ARMC2: variants seen among roughly 807,000 people sequenced by gnomAD.
ARMC2 encodes armadillo repeat-containing protein 2.
ARMC2 carries 67 observed loss-of-function variants against 90.3 expected under a neutral mutation model. The observed-to-expected ratio is 0.74, with a 90% CI of 0.61 to 0.91. The LOEUF is 0.91. Among genes scored for constraint, ARMC2 ranks in the 40% least tolerant of loss-of-function variants. The probability of loss-of-function intolerance (pLI) is 0.00; values close to 1 mark genes in which losing one functional copy is unlikely to be tolerated. For synonymous variants in ARMC2, 393 were observed against 393.0 expected, an observed-to-expected ratio of 1.00 and a Z score of 0.00; for missense variants, 920 against 1,030.9, an observed-to-expected ratio of 0.89 and a Z score of 1.47.
At chr6:108,977,469 T>G (rs1429245798), downstream of ARMC2, among the ~76,000 whole-genome samples, 1 of 152,180 alleles carries the variant, frequency 6.6e-6, no homozygotes, top group African/African-American at 2.4e-5. Flanking sequence ...CTTTTTTTGT[T>G]GTATCTCTGC....
chr6:108,879,775 C>G (rs1187392614), intron 5 of ARMC2, among the ~76,000 whole-genome samples: 1 of 152,128 alleles, frequency 6.6e-6, no homozygotes, highest in African/African-American at 2.4e-5. Context: ...AGGGACTGTT[C>G]CTGAGGAGCC....
At chr6:108,937,140 A>G in intron 12 of ARMC2, 141 bp downstream of exon 12, 1 of 667,932 alleles carries the variant, frequency 1.5e-6, no homozygotes, top group Admixed American at 3.0e-5. Flanking sequence ...CTGTCCTGGG[A>G]AGCAGTAAGT....
At chr6:108,907,751 C>A in intron 8 of ARMC2, 1 of 1,610,854 alleles carries the variant, frequency 6.2e-7, no homozygotes, top group Non-Finnish European at 8.5e-7. Context: ...CCAGTAGTAA[C>A]CTCTTTGAAA....
chr6:108,980,943 G>C, the ARMC2 span, among the ~76,000 whole-genome samples: 22 of 152,240 alleles, frequency 1.4e-4, no homozygotes, highest in African/African-American at 5.3e-4. Context: ...TAGACTTTCT[G>C]AGAATGGTTC....
chr6:109,052,411 CCACT>C, the ARMC2 span, among the ~76,000 whole-genome samples: 8 of 152,182 alleles, frequency 5.3e-5, no homozygotes, highest in East Asian at 1.9e-4. Context: ...CATAATCCTA[CCACT>C]CAAAGAAAGC....
At chr6:108,888,777 T>C (rs539077707) in intron 5 of ARMC2, among the ~76,000 whole-genome samples, 1 of 152,348 alleles carries the variant, frequency 6.6e-6, no homozygotes, top group African/African-American at 2.4e-5. Flanking sequence ...TGAAATCCTG[T>C]CAACCCTTGA....
intron 11 of ARMC2, among the ~76,000 whole-genome samples, chr6:108,931,265 A>G (rs1775543546): frequency 6.6e-6 from 1 of 151,830 alleles, no homozygotes; most frequent in Non-Finnish European, 1.5e-5. Context: ...ATTCTTTTTT[A>G]TAGCTGCATA....
At chr6:109,033,674 A>G in the ARMC2 span, among the ~76,000 whole-genome samples, 1 of 152,196 alleles carries the variant, frequency 6.6e-6, no homozygotes. Flanking sequence ...GGGAGGGGCC[A>G]TAATTCATAG....
the ARMC2 span, among the ~76,000 whole-genome samples, chr6:109,020,151 G>C: frequency 7.1e-4 from 108 of 152,208 alleles, 1 homozygote; most frequent in Admixed American, 4.1e-3. Context: ...GGACTCAACT[G>C]CTCCAGATAC....
rs1778010641 is a variant in ARMC2 at position 108,961,667 on chromosome 6, C to G, written c.2011C>G (p.Gln671Glu). 2 of 1,609,446 alleles carry G rather than the reference C, an allele frequency of 1.2e-6. No homozygotes were observed. Among genetic ancestry groups the G allele is most frequent in the Non-Finnish European group, 1.7e-6 (2 of 1,178,536 alleles). Residue 671 changes from glutamine (Q) to glutamate (E), a missense_variant, in exon 14 of 18, where the codon CAA becomes GAA. Transcript: ENST00000392644. ...CTACCAAGTGAAGAATTCCATAATT[C>G]AAGACAAAAAGCTATATATTGCTGA... The part of the protein sequence containing the change: ...SYYQVKNSII[Q>E]DKKLYIAELL...
the ARMC2 span, among the ~76,000 whole-genome samples, chr6:109,008,503 G>T: frequency 6.6e-6 from 1 of 152,140 alleles, no homozygotes; most frequent in African/African-American, 2.4e-5. Context: ...AAGTTTCTAT[G>T]AATATACATA....
At chr6:109,017,693 T>G in the ARMC2 span, among the ~76,000 whole-genome samples, 1 of 152,162 alleles carries the variant, frequency 6.6e-6, no homozygotes, top group East Asian at 1.9e-4. Flanking sequence ...GATTAGCAGA[T>G]AGCTTGGGAT....
rs117238801 is a variant in ARMC2, at chr6:108,935,283, T to A, written c.1497-1617T>A. On this transcript the variant is annotated intron_variant, in intron 11 of 17. Transcript: ENST00000392644. ...TGTTTGCTTCCTGTCTTATTTCTTCTGCTCTTATCCTTATTAATCCTTTTC... is the reference window on the plus strand; with the variant it reads ...TGTTTGCTTCCTGTCTTATTTCTTCAGCTCTTATCCTTATTAATCCTTTTC... 7.2e-3 allele frequency among the ~76,000 whole-genome samples: 1,095 copies of A among 152,290 alleles called. 5 individuals carry two copies. The highest frequency in any genetic ancestry group is 0.012 in the Non-Finnish European group (849 of 68,016).
intron 16 of ARMC2, 97 bp downstream of exon 16, chr6:108,964,409 G>A: frequency 7.2e-7 from 1 of 1,389,264 alleles, no homozygotes; most frequent in Non-Finnish European, 9.8e-7. Context: ...TGGGGCAAAG[G>A]TATTTCAACA....
the ARMC2 span, among the ~76,000 whole-genome samples, chr6:108,985,402 T>G: frequency 2.0e-5 from 3 of 152,200 alleles, no homozygotes; most frequent in Non-Finnish European, 1.5e-5. Context: ...CAGTGTAATG[T>G]ACCTTCCCTA....
In ARMC2 at chr6:108,961,291, C is replaced by T. The variant is rs558081845; in HGVS notation, c.1916-281C>T. Among the ~76,000 whole-genome samples the T allele has an allele frequency of 5.9e-5, 9 of 152,328 alleles. No individual in the cohort carries two copies. In the East Asian group the frequency reaches 1.7e-3, roughly 29 times the overall value. The stretch of plus-strand genomic sequence containing the variant: ...GTTGGCCCCTTTGCTTTACTTCAGA[C>T]ACAGGTCCCAGATCAGCTGGACTTT... On this transcript the variant is annotated intron_variant, in intron 13 of 17. Coordinates refer to ENST00000392644, the MANE Select transcript of ARMC2 (RefSeq NM_032131.6).
At chr6:108,910,447 A>G (rs1177529388) in intron 8 of ARMC2, among the ~76,000 whole-genome samples, 1 of 152,188 alleles carries the variant, frequency 6.6e-6, no homozygotes, top group Non-Finnish European at 1.5e-5. Context: ...CGAAAGAGCA[A>G]GACCCTGTCT....
chr6:108,944,633 C>T (rs184755983), intron 12 of ARMC2, among the ~76,000 whole-genome samples: 1 of 152,222 alleles, frequency 6.6e-6, no homozygotes, highest in East Asian at 1.9e-4. Context: ...CTGCAGATAT[C>T]GTGTTTTGAG....
chr6:108,967,624 C>A (rs1194511452), intron 17 of ARMC2, among the ~76,000 whole-genome samples: 1 of 152,234 alleles, frequency 6.6e-6, no homozygotes, highest in East Asian at 1.9e-4. Flanking sequence ...CATCTTCCTG[C>A]ACACGTTAAA....
Sources: gnomAD v4.1 joint callset for allele counts (sites outside exome capture counted in the v4.1 genomes callset) on GRCh38, gnomAD v4.1.1 for gene constraint, MANE v1.5 for transcripts, NCBI Gene and HGNC (gene_info 2026-07-23, HGNC 2026-07-21) for gene names.